EYS: variants seen among roughly 807,000 people sequenced by gnomAD.
The protein encoded by EYS is protein eyes shut homolog.
Under a neutral mutation model 282.1 loss-of-function variants are expected in EYS, and 250 were observed. The ratio of observed to expected loss-of-function variants is 0.89; its 90% confidence interval spans 0.80 to 0.98. EYS has a LOEUF of 0.98. Among genes scored for constraint, EYS ranks in the 50% least tolerant of loss-of-function variants. EYS has a pLI of 0.00. For missense variants in EYS, 4,016 were observed against 3,709.0 expected (o/e 1.08, Z -2.15); for synonymous variants, 1,355 against 1,282.9 (o/e 1.06, Z -1.20).
At chr6:64,967,914 C>G (rs958005669) in intron 14 of EYS, among the ~76,000 whole-genome samples, 2 of 152,168 alleles carry the variant, frequency 1.3e-5, no homozygotes, top group African/African-American at 4.8e-5. Flanking sequence ...TCTATCCCCT[C>G]AACATGAATT....
At chr6:64,423,668 C>A (rs552259265) in intron 28 of EYS, among the ~76,000 whole-genome samples, 24 of 152,162 alleles carry the variant, frequency 1.6e-4, no homozygotes, top group Admixed American at 7.2e-4. Context: ...ATTAGCCAGG[C>A]GTGGTGGCGT....
chr6:64,821,475 T>C (rs1764897322), intron 21 of EYS, among the ~76,000 whole-genome samples, 170 bp downstream of exon 21: 1 of 151,940 alleles, frequency 6.6e-6, no homozygotes, highest in African/African-American at 2.4e-5. Context: ...AAAGCCATGA[T>C]TTGTAGTTTT....
At chr6:65,636,292 C>A (rs557132397) in intron 2 of EYS, among the ~76,000 whole-genome samples, 6 of 152,326 alleles carry the variant, frequency 3.9e-5, no homozygotes, top group Non-Finnish European at 8.8e-5. Flanking sequence ...CACTTCCTCC[C>A]CAACCCTACC....
chr6:64,768,483 A>T (rs1012696055), intron 22 of EYS, among the ~76,000 whole-genome samples: 2 of 152,182 alleles, frequency 1.3e-5, no homozygotes, highest in African/African-American at 2.4e-5. Flanking sequence ...CCTTCTGAAA[A>T]GTCTATTACT....
intron 2 of EYS, among the ~76,000 whole-genome samples, chr6:65,506,720 C>T (rs1427373849): frequency 6.6e-6 from 1 of 151,716 alleles, no homozygotes; most frequent in Non-Finnish European, 1.5e-5. Flanking sequence ...GATTCTCTTA[C>T]CTCAGCTTCA....
intron 5 of EYS, among the ~76,000 whole-genome samples, chr6:65,447,642 G>A (rs1254528671): frequency 6.6e-6 from 1 of 151,820 alleles, no homozygotes; most frequent in African/African-American, 2.4e-5. Context: ...GTCTCCATAT[G>A]TAAAGATGAA....
intron 22 of EYS, among the ~76,000 whole-genome samples, chr6:64,712,395 T>A (rs1771243461): frequency 1.3e-5 from 2 of 152,080 alleles, no homozygotes; most frequent in South Asian, 4.1e-4. Context: ...TTAGCACCAG[T>A]GTGAAAATGA....
intron 31 of EYS, among the ~76,000 whole-genome samples, chr6:64,125,177 G>T (rs58356661): frequency 0.014 from 1,825 of 133,650 alleles, 38 homozygotes; most frequent in African/African-American, 0.049. Context: ...TCTCTCTCTC[G>T]CTCTCTCTCT....
chr6:64,278,969 G>A (rs968180518), intron 30 of EYS, among the ~76,000 whole-genome samples: 5 of 151,960 alleles, frequency 3.3e-5, no homozygotes, highest in Non-Finnish European at 7.4e-5. Context: ...GCCCAGGTTG[G>A]TCTCAAATTC....
intron 29 of EYS, among the ~76,000 whole-genome samples, chr6:64,379,911 T>C (rs980347374): frequency 1.3e-5 from 2 of 152,114 alleles, no homozygotes; most frequent in African/African-American, 4.8e-5. Context: ...AAGAGTAGCT[T>C]AGGGGAAAGA....
At chr6:64,137,641 AG>A (rs1341092858) in intron 31 of EYS, among the ~76,000 whole-genome samples, 9 of 152,166 alleles carry the variant, frequency 5.9e-5, no homozygotes, top group Non-Finnish European at 7.4e-5. Flanking sequence ...AGAGAGAGAA[AG>A]GAGAATTACT....
At chr6:64,734,113 A>C (rs1018048788) in intron 22 of EYS, among the ~76,000 whole-genome samples, 1 of 79,024 alleles carries the variant, frequency 1.3e-5, no homozygotes, top group African/African-American at 3.6e-5. Flanking sequence ...CATATTGCAG[A>C]TATTTTAAGG....
At chr6:64,068,520 G>A (rs1040784540) in intron 32 of EYS, among the ~76,000 whole-genome samples, 1 of 151,384 alleles carries the variant, frequency 6.6e-6, no homozygotes, top group African/African-American at 2.4e-5. Context: ...TGGGGTGGGG[G>A]GACGGGGGAG....
chr6:64,979,890 G>T (rs938738078), intron 14 of EYS, among the ~76,000 whole-genome samples: 5 of 151,390 alleles, frequency 3.3e-5, no homozygotes. Flanking sequence ...TTGTGAGTTG[G>T]ACAAATTATT....
intron 18 of EYS, among the ~76,000 whole-genome samples, chr6:64,889,341 TG>T (rs1298105496): frequency 6.6e-6 from 1 of 152,056 alleles, no homozygotes; most frequent in Non-Finnish European, 1.5e-5. Context: ...ATGTGGGTTT[TG>T]CTGAGTATTA....
intron 30 of EYS, among the ~76,000 whole-genome samples, chr6:64,236,305 A>G (rs1017724125): frequency 2.0e-5 from 3 of 152,172 alleles, no homozygotes; most frequent in East Asian, 1.9e-4. Flanking sequence ...ATATGGATCT[A>G]TCATATTTTA....
chr6:64,572,845 C>T (rs140506831), intron 26 of EYS, among the ~76,000 whole-genome samples: 121 of 152,202 alleles, frequency 7.9e-4, no homozygotes, highest in African/African-American at 2.8e-3. Context: ...GGCCATAATG[C>T]CCAAAGTAAT....
In EYS at chr6:65,002,271, T is replaced by C. The variant is rs1253142506; in HGVS notation, c.2138-4568A>G. Among the ~76,000 whole-genome samples, 2 of 147,520 alleles carry C rather than the reference T, an allele frequency of 1.4e-5. 1 individual carries two copies. Among genetic ancestry groups the C allele is most frequent in the East Asian group, 4.2e-4 (2 of 4,744 alleles). The stretch of plus-strand genomic sequence containing the variant: ...AGAAATGATACAATACTGACTTACT[T>C]CAAGGTAATTTGAGAATTTCAGAAA... On this transcript the variant is annotated intron_variant, in intron 13 of 42. Transcript: ENST00000503581.
intron 35 of EYS, among the ~76,000 whole-genome samples, chr6:63,955,852 C>T (rs1201960239): frequency 6.6e-6 from 1 of 152,158 alleles, no homozygotes; most frequent in Non-Finnish European, 1.5e-5. Context: ...CTGTTTTTCT[C>T]CTTCCCTTAT....
Sources: allele counts gnomAD v4.1 joint callset (sites outside exome capture counted in the v4.1 genomes callset), GRCh38; gene constraint gnomAD v4.1.1; transcripts MANE v1.5; gene names NCBI Gene and HGNC (gene_info 2026-07-23, HGNC 2026-07-21).